CRYL1: variants seen among roughly 807,000 people sequenced by gnomAD.
CRYL1 encodes lambda-crystallin homolog.
A neutral mutation model predicts 36.6 loss-of-function variants in CRYL1; 29 were observed. The ratio of observed to expected loss-of-function variants is 0.79; its 90% CI spans 0.59 to 1.08. CRYL1 has a LOEUF of 1.08. Among genes scored for constraint, CRYL1 ranks in the 50% least tolerant of loss-of-function variants. CRYL1 has a pLI of 0.00. For synonymous variants in CRYL1, 152 were observed against 151.5 expected, an observed-to-expected ratio of 1.00 and a Z score of -0.02; for missense variants, 411 against 407.9, an observed-to-expected ratio of 1.01 and a Z score of -0.06.
intron 4 of CRYL1, 92 bp downstream of exon 4, chr13:20,439,501 C>A (rs1251473742): frequency 6.6e-6 from 6 of 906,710 alleles, no homozygotes; most frequent in South Asian, 5.2e-5. Flanking sequence ...AAGTTATTGA[C>A]CCCCCTCCCC....
chr13:20,417,303 T>C (rs1430366450), intron 5 of CRYL1, among the ~76,000 whole-genome samples: 2 of 152,186 alleles, frequency 1.3e-5, no homozygotes, highest in African/African-American at 2.4e-5. Context: ...CAAATAATCA[T>C]TTGTCATTGA....
At position 20,425,047 on chromosome 13, in the gene CRYL1, G is replaced by A. The variant is rs2031902520; in HGVS notation, c.633+7055C>T. On this transcript the variant is annotated intron_variant, in intron 5 of 7. Coordinates refer to ENST00000298248, the MANE Select transcript of CRYL1 (RefSeq NM_015974.3). This position sits in a 1 kb window ranked among gnomAD's most constrained non-coding sequence, Gnocchi z 4.4. Reference sequence around the variant, plus strand: ...GACTTCGTGCCAAGACCACACAGATGTTGCCAATGTCTGCGCTGTGCTATT... The same window carrying A: ...GACTTCGTGCCAAGACCACACAGATATTGCCAATGTCTGCGCTGTGCTATT... Among the ~76,000 whole-genome samples the A allele has an allele frequency of 6.6e-6, 1 of 152,186 alleles. No homozygotes were observed. The highest frequency in any genetic ancestry group is 6.5e-5 in the Admixed American group (1 of 15,288).
At chr13:20,420,321 G>A (rs2031770712) in intron 5 of CRYL1, among the ~76,000 whole-genome samples, 1 of 152,172 alleles carries the variant, frequency 6.6e-6, no homozygotes, top group Non-Finnish European at 1.5e-5. Flanking sequence ...GTGCACAGCT[G>A]CCGGAGGAGA....
chr13:20,521,067 C>T (rs2034084797), intron 1 of CRYL1, among the ~76,000 whole-genome samples: 1 of 135,252 alleles, frequency 7.4e-6, no homozygotes, highest in Non-Finnish European at 1.5e-5. Context: ...CACGCCACTG[C>T]ACTCCAGCCT....
intron 3 of CRYL1, among the ~76,000 whole-genome samples, chr13:20,453,637 GAAAAC>G (rs2032619428): frequency 6.6e-6 from 1 of 151,778 alleles, no homozygotes; most frequent in Non-Finnish European, 1.5e-5. Context: ...AAAGGAAGAA[GAAAAC>G]AATAAAAGTA....
rs1336451950 is a variant in CRYL1 at position 20,435,694 on chromosome 13, C to T, written c.439-3398G>A. On this transcript the variant is annotated intron_variant, in intron 4 of 7. Transcript: ENST00000298248. The surrounding 1 kb of genome is among the most constrained non-coding windows in gnomAD (Gnocchi z 4.0). ...TTCGACAGATACAACGGCAGCGCAG[C>T]GCAGGGGCCTGGGCCTGCGCAGGCC... Among the ~76,000 whole-genome samples, 1 of 152,218 alleles carries T rather than the reference C, an allele frequency of 6.6e-6. No individual in the cohort carries two copies. Among genetic ancestry groups the T allele is most frequent in the Non-Finnish European group, 1.5e-5 (1 of 68,028 alleles).
chr13:20,483,301 T>C (rs2033315499), intron 3 of CRYL1, among the ~76,000 whole-genome samples: 1 of 152,124 alleles, frequency 6.6e-6, no homozygotes, highest in African/African-American at 2.4e-5. Flanking sequence ...CCCAAATATG[T>C]ACAATTAAGA....
chr13:20,436,462 C>G (rs1451012854), intron 4 of CRYL1, among the ~76,000 whole-genome samples: 3 of 152,236 alleles, frequency 2.0e-5, no homozygotes, highest in Non-Finnish European at 2.9e-5. Flanking sequence ...ATTCTCCTCC[C>G]TCAGCCCCTC....
intron 2 of CRYL1, among the ~76,000 whole-genome samples, chr13:20,496,757 A>T (rs1029249967): frequency 3.3e-5 from 5 of 150,424 alleles, no homozygotes; most frequent in African/African-American, 9.8e-5. Flanking sequence ...AGGTAGGAGG[A>T]TCACTTGAGC....
At chr13:20,416,054 C>T (rs978629445) in intron 5 of CRYL1, among the ~76,000 whole-genome samples, 2 of 152,208 alleles carry the variant, frequency 1.3e-5, no homozygotes, top group Non-Finnish European at 2.9e-5. Context: ...CATCCTTCTC[C>T]CCGTCACTGC....
chr13:20,412,871 G>A (rs2031558715), intron 6 of CRYL1, among the ~76,000 whole-genome samples: 1 of 152,160 alleles, frequency 6.6e-6, no homozygotes, highest in Non-Finnish European at 1.5e-5. Flanking sequence ...TCATATTTGG[G>A]CAGAAGAGAT....
chr13:20,519,667 A>C (rs1237427717), intron 1 of CRYL1, among the ~76,000 whole-genome samples: 2 of 152,154 alleles, frequency 1.3e-5, no homozygotes, highest in Non-Finnish European at 2.9e-5. Context: ...GAAATTTTAC[A>C]GGGCAAATGA....
intron 5 of CRYL1, chr13:20,431,400 C>T: frequency 1.0e-6 from 1 of 985,424 alleles, no homozygotes; most frequent in Non-Finnish European, 1.2e-6. Context: ...CTTCCCCCTG[C>T]AGAAGCTGGG....
intron 2 of CRYL1, among the ~76,000 whole-genome samples, chr13:20,509,691 G>A (rs754952140): frequency 3.9e-5 from 6 of 152,132 alleles, no homozygotes; most frequent in Non-Finnish European, 7.4e-5. Context: ...ACTTTGGGAG[G>A]CCGAGGCGGG....
chr13:20,477,325 C>T (rs1220706578), intron 3 of CRYL1, among the ~76,000 whole-genome samples: 1 of 151,844 alleles, frequency 6.6e-6, no homozygotes, highest in Non-Finnish European at 1.5e-5. Flanking sequence ...AAGACCTTGA[C>T]TCTAAAAATC....
At chr13:20,411,660 G>T (rs919418436) in intron 6 of CRYL1, among the ~76,000 whole-genome samples, 1 of 152,200 alleles carries the variant, frequency 6.6e-6, no homozygotes, top group African/African-American at 2.4e-5. Context: ...CATTTGAAAT[G>T]ATCTAAGACT....
intron 5 of CRYL1, among the ~76,000 whole-genome samples, chr13:20,423,780 T>A (rs1005692293): frequency 2.0e-5 from 3 of 147,382 alleles, no homozygotes; most frequent in African/African-American, 7.5e-5. Flanking sequence ...CTTTTTTTTT[T>A]TTTTTTTTGA....
intron 5 of CRYL1, chr13:20,431,756 C>A: frequency 8.2e-7 from 1 of 1,212,682 alleles, no homozygotes; most frequent in Non-Finnish European, 1.0e-6. Flanking sequence ...AAAATTATAA[C>A]ACTGAGGGGT....
chr13:20,465,165 G>A (rs573704412), intron 3 of CRYL1, among the ~76,000 whole-genome samples: 1 of 152,210 alleles, frequency 6.6e-6, no homozygotes, highest in African/African-American at 2.4e-5. Context: ...AGGGATATCA[G>A]ACTTTTAAAT....
Sources: gnomAD v4.1 joint callset for allele counts (sites outside exome capture counted in the v4.1 genomes callset) on GRCh38, gnomAD v4.1.1 for gene constraint, Gnocchi (gnomAD v3.1) non-coding constraint, MANE v1.5 for transcripts, NCBI Gene and HGNC (gene_info 2026-07-23, HGNC 2026-07-21) for gene names.